The following TRPM3 variants were observed in gnomAD, a reference collection of about 807,000 sequenced individuals.
TRPM3 encodes transient receptor potential cation channel subfamily M member 3.
Under a neutral mutation model 181.2 loss-of-function variants are expected in TRPM3, and 77 were observed. That is an observed-to-expected ratio of 0.42 (90% CI 0.35 to 0.51). The LOEUF is 0.51. Ranked by LOEUF, TRPM3 falls within the 20% of genes least tolerant of loss-of-function variation. The pLI is 0.01. For synonymous variants in TRPM3, 745 were observed against 796.4 expected, an observed-to-expected ratio of 0.94 and a Z score of 1.09; for missense variants, 1,759 against 2,196.7, an observed-to-expected ratio of 0.80 and a Z score of 3.98.
chr9:71,087,132 C>A (rs1222015110), intron 1 of TRPM3, among the ~76,000 whole-genome samples: 2 of 151,912 alleles, frequency 1.3e-5, no homozygotes, highest in African/African-American at 4.8e-5. Flanking sequence ...TAAAGCCAGA[C>A]CCTCATCCCT....
At chr9:70,748,020 ATTTT>A (rs985285003) in intron 8 of TRPM3, among the ~76,000 whole-genome samples, 1 of 152,168 alleles carries the variant, frequency 6.6e-6, no homozygotes, top group Non-Finnish European at 1.5e-5. Flanking sequence ...TTAAACATTT[ATTTT>A]TAGAGTGGTG....
intron 5 of TRPM3, among the ~76,000 whole-genome samples, chr9:70,833,186 G>T (rs1486106124): frequency 1.3e-5 from 2 of 152,188 alleles, no homozygotes; most frequent in Non-Finnish European, 2.9e-5. Flanking sequence ...AAGAAAAGTA[G>T]TTCTTTCATG....
chr9:71,244,916 A>G (rs1186444833), intron 1 of TRPM3, among the ~76,000 whole-genome samples: 1 of 152,216 alleles, frequency 6.6e-6, no homozygotes, highest in Non-Finnish European at 1.5e-5. Context: ...TTAGGGGAAG[A>G]GGGTTGCCAG....
At chr9:71,354,057 G>GT (rs1301555194) in intron 1 of TRPM3, among the ~76,000 whole-genome samples, 2 of 152,076 alleles carry the variant, frequency 1.3e-5, no homozygotes, top group Non-Finnish European at 2.9e-5. Flanking sequence ...ATCATATGCT[G>GT]TAACTGTAGC....
intron 1 of TRPM3, among the ~76,000 whole-genome samples, chr9:71,019,894 G>T (rs150059108): frequency 6.6e-4 from 100 of 152,232 alleles, no homozygotes; most frequent in Admixed American, 2.6e-3. Context: ...CTCATATATG[G>T]AAATTTGCTT....
chr9:71,107,641 T>G (rs1430880493), intron 1 of TRPM3, among the ~76,000 whole-genome samples: 1 of 152,204 alleles, frequency 6.6e-6, no homozygotes, highest in Non-Finnish European at 1.5e-5. Flanking sequence ...GGTGAAATGT[T>G]AATTTTATAC....
intron 1 of TRPM3, among the ~76,000 whole-genome samples, chr9:71,189,240 A>G (rs1405398417): frequency 6.6e-6 from 1 of 151,828 alleles, no homozygotes; most frequent in Non-Finnish European, 1.5e-5. Context: ...AAGATCACCC[A>G]CTTACTTGGT....
At chr9:71,041,249 G>A (rs1226842964) in intron 1 of TRPM3, among the ~76,000 whole-genome samples, 1 of 151,908 alleles carries the variant, frequency 6.6e-6, no homozygotes, top group African/African-American at 2.4e-5. Context: ...GAGAAAAGGG[G>A]GAAGTAAAAA....
intron 22 of TRPM3, among the ~76,000 whole-genome samples, chr9:70,557,180 G>A (rs531251348): frequency 2.3e-4 from 35 of 152,332 alleles, no homozygotes; most frequent in African/African-American, 8.4e-4. Context: ...TGTGTGATAT[G>A]AGCTTGGATG....
At chr9:70,618,180 C>T (rs1196477844) in intron 17 of TRPM3, among the ~76,000 whole-genome samples, 1 of 152,192 alleles carries the variant, frequency 6.6e-6, no homozygotes, top group Non-Finnish European at 1.5e-5. Flanking sequence ...CATCCTATTT[C>T]CCTTAAAAAC....
At chr9:71,421,215 T>A (rs960245196) in intron 1 of TRPM3, among the ~76,000 whole-genome samples, 8 of 151,410 alleles carry the variant, frequency 5.3e-5, no homozygotes, top group African/African-American at 1.9e-4. Flanking sequence ...CTACTAGAGG[T>A]GGGAAGGAAG....
chr9:71,121,007 G>A (rs1369179081), intron 1 of TRPM3, among the ~76,000 whole-genome samples, 171 bp downstream of exon 1: 3 of 151,090 alleles, frequency 2.0e-5, no homozygotes, highest in African/African-American at 4.9e-5. Flanking sequence ...TGGGTGGGGG[G>A]CGTGGGGGGA....
At chr9:70,854,400 C>A (rs968137149) in intron 3 of TRPM3, among the ~76,000 whole-genome samples, 2 of 152,148 alleles carry the variant, frequency 1.3e-5, no homozygotes, top group Non-Finnish European at 2.9e-5. Context: ...TCACAGGACA[C>A]TGTGTGGATT....
At chr9:71,184,091 A>G (rs574746009) in intron 1 of TRPM3, among the ~76,000 whole-genome samples, 213 of 152,246 alleles carry the variant, frequency 1.4e-3, no homozygotes, top group African/African-American at 4.9e-3. Context: ...CAGATTTTTA[A>G]TGCAAATCTC....
chr9:70,535,032 GTTT>G lies in TRPM3; in HGVS notation c.*918_*920del, dbSNP rs5898149. 1.7e-3 allele frequency: 239 copies of G among 139,754 alleles called. No homozygotes were observed. Among genetic ancestry groups the G allele is most frequent in the South Asian group, 2.7e-3 (12 of 4,442 alleles). The allele number at this position is 139,754 out of a possible 1,614,324, so 8.7% of individuals were successfully genotyped here. ...CAATTTCAGGCTAGTTCTGTCCACT[GTTT>G]TTTTTTTTTTTTTTTTAAGTTCAAT... is the stretch of plus-strand genomic sequence containing the variant. On this transcript the variant is annotated 3_prime_UTR_variant, in exon 26 of 26. Transcript: ENST00000677713.
intron 1 of TRPM3, among the ~76,000 whole-genome samples, chr9:71,343,818 A>G (rs968569934): frequency 6.6e-6 from 1 of 152,068 alleles, no homozygotes; most frequent in African/African-American, 2.4e-5. Flanking sequence ...TGTGGGGAAA[A>G]TATAAGATGA....
At chr9:70,540,640 C>T (rs1282699203) in intron 25 of TRPM3, among the ~76,000 whole-genome samples, 1 of 152,216 alleles carries the variant, frequency 6.6e-6, no homozygotes, top group Non-Finnish European at 1.5e-5. Flanking sequence ...TTTGAGAGTG[C>T]AGTGAGCTAT....
intron 1 of TRPM3, among the ~76,000 whole-genome samples, chr9:71,279,034 T>TAAAAAAAAAAAAAA (rs200421016): frequency 1.5e-4 from 7 of 47,488 alleles, no homozygotes; most frequent in African/African-American, 5.2e-4. Context: ...CCTGCTTAGG[T>TAAAAAAAAAAAAAA]TAAAAAAAAT....
chr9:71,425,840 CTT>C (rs1056058891), intron 1 of TRPM3, among the ~76,000 whole-genome samples: 10 of 152,162 alleles, frequency 6.6e-5, no homozygotes, highest in Non-Finnish European at 1.5e-4. Context: ...TCTTTGCCTC[CTT>C]CTCTGGCTCC....
Sources: gnomAD v4.1 joint callset for allele counts (sites outside exome capture counted in the v4.1 genomes callset) on GRCh38, gnomAD v4.1.1 for gene constraint, MANE v1.5 for transcripts, NCBI Gene and HGNC (gene_info 2026-07-23, HGNC 2026-07-21) for gene names.